The following LEF1 variants were observed in gnomAD, a reference collection of about 807,000 sequenced individuals.
LEF1 encodes lymphoid enhancer-binding factor 1.
LEF1 carries 14 observed loss-of-function variants against 51.2 expected under a neutral mutation model. The observed-to-expected ratio is 0.27, with a 90% confidence interval of 0.18 to 0.43. LEF1 has a LOEUF of 0.43. Among genes scored for constraint, LEF1 ranks in the 20% least tolerant of loss-of-function variants. The pLI is 1.00. For missense variants in LEF1, 386 were observed against 512.0 expected (o/e 0.75, Z 2.37); for synonymous variants, 185 against 183.2 (o/e 1.01, Z -0.08).
At chr4:108,056,076 TCTC>T (rs1201287671) in intron 11 of LEF1, among the ~76,000 whole-genome samples, 1 of 152,226 alleles carries the variant, frequency 6.6e-6, no homozygotes, top group Non-Finnish European at 1.5e-5. Flanking sequence ...AATGTGACCT[TCTC>T]CTCTGGCCAC....
intron 8 of LEF1, among the ~76,000 whole-genome samples, chr4:108,074,670 A>G (rs1185990799): frequency 6.6e-6 from 1 of 152,222 alleles, no homozygotes; most frequent in Non-Finnish European, 1.5e-5. Context: ...GGGAGTTATG[A>G]AAGGATAGAA....
rs1201138770 is a variant in LEF1, at chr4:108,089,207, G to C, written c.465C>G (p.Thr155=). The C allele has an allele frequency of 1.9e-6, 3 of 1,614,040 alleles. No individual in the cohort carries two copies. Among genetic ancestry groups the C allele is most frequent in the Non-Finnish European group, 2.5e-6 (3 of 1,179,970 alleles). ...VQPSHAVHPL[T]PLITYSDEHF... ...GCTCGTCACTGTAAGTGATGAGGGGGGTGAGAGGATGGACCGCATGGGATG... is the reference window on the plus strand; with the variant it reads ...GCTCGTCACTGTAAGTGATGAGGGGCGTGAGAGGATGGACCGCATGGGATG... The change falls in exon 4 of 12, where the codon ACC becomes ACG. Residue 155 remains threonine, a synonymous_variant. Transcript: ENST00000265165.
intron 8 of LEF1, chr4:108,073,002 G>T (rs1305615774): frequency 1.3e-5 from 2 of 152,210 alleles, no homozygotes; most frequent in Non-Finnish European, 1.5e-5. Context: ...TCGAACTCCT[G>T]GGCTCCAGCA....
intron 3 of LEF1, among the ~76,000 whole-genome samples, chr4:108,150,375 G>A (rs1007941577): frequency 6.6e-6 from 1 of 152,054 alleles, no homozygotes; most frequent in Admixed American, 6.6e-5. Context: ...TAGAAGTGAG[G>A]AATAGAGATT....
In LEF1 at chr4:108,163,690, C is replaced by G. The variant is rs1273634500; in HGVS notation, c.292G>C (p.Asp98His). Residue 98 changes from aspartate to histidine, a missense_variant, in exon 3 of 12, where the codon GAT becomes CAT. By Grantham distance (81) the Asp-to-His change is moderately conservative. Transcript: ENST00000265165. ...GGTCCCTTGTTGTAGAGGCCTCCAT[C>G]TGGATGCTTTCCTGGGAAGATCCAA... Reference protein sequence around the residue: ...REHPDDGKHPDGGLYNKGPSY... With the variant: ...REHPDDGKHPHGGLYNKGPSY... The G allele has an allele frequency of 6.2e-7, 1 of 1,613,596 alleles. No homozygotes were observed. The highest frequency in any genetic ancestry group is 1.1e-5 in the South Asian group (1 of 90,980).
intron 11 of LEF1, among the ~76,000 whole-genome samples, chr4:108,051,459 T>A (rs1277951985): frequency 1.3e-5 from 2 of 152,158 alleles, no homozygotes; most frequent in African/African-American, 4.8e-5. Context: ...GGCATGAGGC[T>A]CCAGGGGCTG....
At position 108,111,611 on chromosome 4, in the gene LEF1, A is replaced by G. The variant is rs556825959; in HGVS notation, c.415-22354T>C. Among the ~76,000 whole-genome samples, 5 of 152,288 alleles carry G rather than the reference A, an allele frequency of 3.3e-5. No individual in the cohort carries two copies. In the South Asian group the frequency reaches 1.0e-3, roughly 32 times the overall value. On this transcript the variant is annotated intron_variant, in intron 3 of 11. Transcript: ENST00000265165. ...AGAAAAAATGAGGTAGAGGGAGGCAAGAAAGGTGCTGGCATACAGGCCAGG... is the reference window on the plus strand; with the variant it reads ...AGAAAAAATGAGGTAGAGGGAGGCAGGAAAGGTGCTGGCATACAGGCCAGG...
intron 8 of LEF1, among the ~76,000 whole-genome samples, chr4:108,073,102 A>G (rs1738598533): frequency 6.6e-6 from 1 of 152,164 alleles, no homozygotes; most frequent in African/African-American, 2.4e-5. Flanking sequence ...AGCAATATTT[A>G]TGGTAGGGTG....
intron 3 of LEF1, among the ~76,000 whole-genome samples, chr4:108,121,045 T>C (rs908160302): frequency 1.3e-5 from 2 of 152,242 alleles, no homozygotes; most frequent in Non-Finnish European, 2.9e-5. Context: ...CATGGCACTT[T>C]GCCACATTGT....
chr4:108,127,644 G>T lies in LEF1; in HGVS notation c.414+35924C>A, dbSNP rs535199324. Among the ~76,000 whole-genome samples the T allele has an allele frequency of 2.0e-5, 3 of 152,282 alleles. No individual in the cohort carries two copies. In the East Asian group the frequency reaches 5.8e-4, roughly 29 times the overall value. ...AGCTCATCTCACTTACTTTGGCAGAGTATCTAGCCATTTCTCACTTATTTA... is the reference window on the plus strand; with the variant it reads ...AGCTCATCTCACTTACTTTGGCAGATTATCTAGCCATTTCTCACTTATTTA... On this transcript the variant is annotated intron_variant, in intron 3 of 11. Coordinates refer to ENST00000265165, the MANE Select transcript of LEF1 (RefSeq NM_016269.5).
intron 3 of LEF1, among the ~76,000 whole-genome samples, chr4:108,138,185 G>A (rs879471735): frequency 1.3e-5 from 2 of 152,104 alleles, no homozygotes; most frequent in Admixed American, 1.3e-4. Flanking sequence ...GTGGAATTTC[G>A]AATATCAAAT....
intron 8 of LEF1, among the ~76,000 whole-genome samples, chr4:108,071,153 C>G (rs1738453346): frequency 6.6e-6 from 1 of 152,186 alleles, no homozygotes; most frequent in Non-Finnish European, 1.5e-5. Flanking sequence ...TATCTGAGCC[C>G]AAGTACTTTT....
intron 4 of LEF1, among the ~76,000 whole-genome samples, chr4:108,085,088 ATTTTATTTTG>A (rs1739558884): frequency 6.6e-6 from 1 of 152,016 alleles, no homozygotes; most frequent in Non-Finnish European, 1.5e-5. Flanking sequence ...ATTTTATTTT[ATTTTATTTTG>A]TTTTATTTTT....
chr4:108,166,344 G>A, intron 1 of LEF1: 1 of 1,518,430 alleles, frequency 6.6e-7, no homozygotes. Context: ...AAATGTCCCC[G>A]CCCTCAAAAC....
At chr4:108,105,370 G>A (rs1049624506) in intron 3 of LEF1, among the ~76,000 whole-genome samples, 1 of 151,774 alleles carries the variant, frequency 6.6e-6, no homozygotes, top group African/African-American at 2.4e-5. Flanking sequence ...TAGTAGAGAC[G>A]GAGTTTCACT....
rs1342376014 is a variant in LEF1, at chr4:108,079,610, A to G, written c.727T>C (p.Ser243Pro). 6.2e-6 allele frequency: 10 copies of G among 1,614,120 alleles called. No individual in the cohort carries two copies. Among genetic ancestry groups the G allele is most frequent in the Non-Finnish European group, 8.5e-6 (10 of 1,179,978 alleles). Residue 243 changes from serine (S) to proline (P), a missense_variant, in exon 7 of 12, where the codon TCC (serine) becomes CCC (proline). Physicochemically the swap from Ser to Pro is moderately conservative, Grantham distance 74 (BLOSUM62 -1). Around this residue, in one of 2 missense-constraint regions of LEF1, gnomAD observed 335 missense variants for 390.7 expected, o/e 0.86. Coordinates refer to ENST00000265165, the MANE Select transcript of LEF1 (RefSeq NM_016269.5). Reference protein sequence around the residue: ...LSVDTSMSRFSHHMIPGPPGP... With the variant: ...LSVDTSMSRFPHHMIPGPPGP... ...GGAGGACCGGGAATCATATGATGGG[A>G]AAACCTGAAAGGAGGAAAGAGAAGA... is the stretch of plus-strand genomic sequence containing the variant.
In LEF1 at chr4:108,089,205, G is replaced by A. The variant is rs1390221574; in HGVS notation, c.467C>T (p.Pro156Leu). The change falls in exon 4 of 12, where the codon CCC becomes CTC. Residue 156 changes from proline to leucine, a missense_variant. Transcript: ENST00000265165. ...GTGCTCGTCACTGTAAGTGATGAGG[G>A]GGGTGAGAGGATGGACCGCATGGGA... ...QPSHAVHPLT[P>L]LITYSDEHFS... 1 of 1,614,072 alleles carries A rather than the reference G, an allele frequency of 6.2e-7. No homozygotes were observed. Among genetic ancestry groups the A allele is most frequent in the Non-Finnish European group, 8.5e-7 (1 of 1,179,964 alleles).
chr4:108,161,899 T>C (rs1025226114), intron 3 of LEF1, among the ~76,000 whole-genome samples: 5 of 152,138 alleles, frequency 3.3e-5, no homozygotes, highest in African/African-American at 1.2e-4. Context: ...AACAGGAATC[T>C]TCAAATATTC....
intron 3 of LEF1, among the ~76,000 whole-genome samples, chr4:108,145,321 T>C (rs930017265): frequency 3.3e-5 from 5 of 152,166 alleles, no homozygotes; most frequent in Non-Finnish European, 7.4e-5. Context: ...CTTTAAGAGC[T>C]TGCATTAAAG....
Sources: allele counts gnomAD v4.1 joint callset (sites outside exome capture counted in the v4.1 genomes callset), GRCh38; gene constraint gnomAD v4.1.1; regional missense constraint gnomAD v4.1.1; transcripts MANE v1.5; gene names NCBI Gene and HGNC (gene_info 2026-07-23, HGNC 2026-07-21).